SIN3A: variants seen among roughly 807,000 people sequenced by gnomAD.
SIN3A encodes paired amphipathic helix protein Sin3a.
SIN3A carries 14 observed loss-of-function variants against 146.1 expected under a neutral mutation model. The ratio of observed to expected loss-of-function variants is 0.10; its 90% confidence interval spans 0.06 to 0.15. The LOEUF is 0.15. SIN3A is among the 10% of genes least tolerant of loss of function. The pLI, the probability that SIN3A is intolerant of heterozygous loss-of-function variation, is 1.00. For missense variants in SIN3A, 1,028 were observed against 1,576.0 expected (o/e 0.65, Z 5.89); for synonymous variants, 572 against 572.0 (o/e 1.00, Z 0.00).
At chr15:75,401,703 G>T (rs1429634370) in intron 10 of SIN3A, 149 bp downstream of exon 10, 1 of 592,344 alleles carries the variant, frequency 1.7e-6, no homozygotes, top group Non-Finnish European at 3.0e-6. Flanking sequence ...AGCTGGACTA[G>T]AAGACTTCTC....
intron 15 of SIN3A, among the ~76,000 whole-genome samples, chr15:75,391,639 A>G (rs957473817): frequency 1.1e-4 from 17 of 152,206 alleles, no homozygotes; most frequent in African/African-American, 3.9e-4. Flanking sequence ...GGAAGCAGGC[A>G]GCACAAAATT....
intron 2 of SIN3A, among the ~76,000 whole-genome samples, chr15:75,424,441 CAA>C (rs2073891144): frequency 6.6e-6 from 1 of 152,088 alleles, no homozygotes; most frequent in Non-Finnish European, 1.5e-5. Flanking sequence ...TCTCAAAAAA[CAA>C]AACAACAAAA....
At chr15:75,412,057 C>A (rs1249426304) in intron 5 of SIN3A, among the ~76,000 whole-genome samples, 1 of 152,204 alleles carries the variant, frequency 6.6e-6, no homozygotes, top group Admixed American at 6.5e-5. Flanking sequence ...TAGAAAAAAT[C>A]TCATTCTACA....
At chr15:75,375,624 G>C (rs181485654) in intron 20 of SIN3A, 41 bp downstream of exon 20, 2 of 1,505,770 alleles carry the variant, frequency 1.3e-6, no homozygotes, top group African/African-American at 2.8e-5. Context: ...TCCTAGCTAG[G>C]GTGGGAGATG....
chr15:75,382,775 C>A (rs930871832), intron 17 of SIN3A, among the ~76,000 whole-genome samples: 1 of 151,944 alleles, frequency 6.6e-6, no homozygotes, highest in African/African-American at 2.4e-5. Flanking sequence ...GGTGAAACCA[C>A]ATCTCTACTA....
At chr15:75,381,041 T>G in intron 18 of SIN3A, 1 of 189,952 alleles carries the variant, frequency 5.3e-6, no homozygotes, top group Non-Finnish European at 1.1e-5. Context: ...GTGGCAAATG[T>G]GTGAAAGTTT....
intron 18 of SIN3A, 140 bp from the exon 19 acceptor site, chr15:75,380,863 A>G: frequency 1.6e-6 from 1 of 636,550 alleles, no homozygotes; most frequent in South Asian, 1.7e-5. Context: ...TTCTATAAAG[A>G]CATGATTGTT....
intron 13 of SIN3A, among the ~76,000 whole-genome samples, 180 bp from the exon 14 acceptor site, chr15:75,395,043 T>C (rs1205048760): frequency 2.0e-5 from 3 of 152,238 alleles, no homozygotes; most frequent in Non-Finnish European, 4.4e-5. Flanking sequence ...AGGGAATTAC[T>C]CATCCAAGAC....
intron 1 of SIN3A, among the ~76,000 whole-genome samples, chr15:75,442,157 ATTTT>A (rs1321264843): frequency 1.9e-5 from 2 of 104,642 alleles, no homozygotes; most frequent in Non-Finnish European, 4.0e-5. Flanking sequence ...AAAAAAACTG[ATTTT>A]TTTTTTCATT....
At chr15:75,412,726 T>A in intron 5 of SIN3A, 37 bp downstream of exon 5, 1 of 1,517,536 alleles carries the variant, frequency 6.6e-7, no homozygotes, top group South Asian at 1.3e-5. Context: ...TCTCTAGGGA[T>A]GCATTCATAT....
chr15:75,452,217 G>GT (rs2074423186), upstream of SIN3A, among the ~76,000 whole-genome samples: 1 of 152,248 alleles, frequency 6.6e-6, no homozygotes, highest in African/African-American at 2.4e-5. Context: ...CTTGGCGCTG[G>GT]TAGGACCCTC....
Position 75,396,382 on chromosome 15 carries a change from G to A in SIN3A, c.1969C>T (p.Leu657Phe). 2 of 1,614,154 alleles carry A rather than the reference G, an allele frequency of 1.2e-6. No individual in the cohort carries two copies. Among genetic ancestry groups the A allele is most frequent in the Non-Finnish European group, 1.7e-6 (2 of 1,180,032 alleles). ...TGGATGACTTCTGATGTGCCCCCAA[G>A]GGTGTTGTCCAAGCGAAATTTGGCT... ...EQAKFRLDNT[L>F]GGTSEVIHRK... The change falls in exon 13 of 21, where the codon CTT (leucine) becomes TTT (phenylalanine). Residue 657 changes from leucine (L) to phenylalanine (F), a missense_variant. Physicochemically the swap from Leu to Phe is conservative, Grantham distance 22. Around this residue, in one of 9 missense-constraint regions of SIN3A, gnomAD observed 157 missense variants for 284.8 expected, o/e 0.55. Transcript: ENST00000394947.
intron 10 of SIN3A, among the ~76,000 whole-genome samples, chr15:75,401,173 C>A (rs1378570587): frequency 6.6e-6 from 1 of 152,128 alleles, no homozygotes; most frequent in East Asian, 1.9e-4. Flanking sequence ...AAATAACAAG[C>A]CATTCTTTTG....
chr15:75,443,356 C>A (rs1242691418), intron 1 of SIN3A, among the ~76,000 whole-genome samples: 1 of 152,160 alleles, frequency 6.6e-6, no homozygotes, highest in Non-Finnish European at 1.5e-5. Context: ...CACCTAGATT[C>A]TCCAAATGTT....
At chr15:75,411,399 T>C (rs1274347278) in intron 6 of SIN3A, 93 bp downstream of exon 6, 11 of 1,258,484 alleles carry the variant, frequency 8.7e-6, no homozygotes, top group Non-Finnish European at 1.2e-5. Flanking sequence ...ATTTCCAGTA[T>C]GAATTAATGG....
At chr15:75,409,762 T>G in intron 8 of SIN3A, 74 bp downstream of exon 8, 1 of 1,476,758 alleles carries the variant, frequency 6.8e-7, no homozygotes, top group Non-Finnish European at 9.2e-7. Context: ...ACAAAACACA[T>G]GACCACCTCT....
At chr15:75,432,152 G>A (rs751522180) in intron 1 of SIN3A, among the ~76,000 whole-genome samples, 2 of 152,158 alleles carry the variant, frequency 1.3e-5, no homozygotes, top group Non-Finnish European at 2.9e-5. Flanking sequence ...AAACCTTTTA[G>A]ACATATTAAG....
intron 1 of SIN3A, among the ~76,000 whole-genome samples, chr15:75,449,127 T>C (rs2074357404): frequency 6.6e-6 from 1 of 152,204 alleles, no homozygotes; most frequent in Non-Finnish European, 1.5e-5. Context: ...AGCCCAAATT[T>C]TCCTCAATGG....
At chr15:75,439,610 G>A (rs2074166221) in intron 1 of SIN3A, among the ~76,000 whole-genome samples, 1 of 151,884 alleles carries the variant, frequency 6.6e-6, no homozygotes, top group Non-Finnish European at 1.5e-5. Flanking sequence ...CTCCCAAAGT[G>A]CTGGGATTAC....
Sources: gnomAD v4.1 joint callset for allele counts (sites outside exome capture counted in the v4.1 genomes callset) on GRCh38, gnomAD v4.1.1 for gene constraint, gnomAD v4.1.1 regional missense constraint, MANE v1.5 for transcripts, NCBI Gene and HGNC (gene_info 2026-07-23, HGNC 2026-07-21) for gene names.